MAP3K7: variants seen among roughly 807,000 people sequenced by gnomAD.
MAP3K7 encodes mitogen-activated protein kinase kinase kinase 7.
Under a neutral mutation model 84.8 loss-of-function variants are expected in MAP3K7, and 21 were observed. The observed-to-expected ratio is 0.25, with a 90% CI of 0.18 to 0.36. The LOEUF is 0.36. MAP3K7 is among the 10% of genes least tolerant of loss of function. The pLI, the probability that MAP3K7 is intolerant of heterozygous loss-of-function variation, is 1.00. For missense variants in MAP3K7, 503 were observed against 747.7 expected (o/e 0.67, Z 3.82); for synonymous variants, 241 against 247.7 (o/e 0.97, Z 0.25).
chr6:90,563,718 C>T (rs1303402454), intron 3 of MAP3K7, among the ~76,000 whole-genome samples: 6 of 152,078 alleles, frequency 3.9e-5, no homozygotes, highest in African/African-American at 7.2e-5. Context: ...ATACAGAGAA[C>T]GCCACAAAGA....
rs559176341 is a variant in MAP3K7 at position 90,541,671 on chromosome 6, T to C, written c.1291+2881A>G. Among the ~76,000 whole-genome samples, 3 of 152,150 alleles carry C rather than the reference T, an allele frequency of 2.0e-5. No homozygotes were observed. In the East Asian group the frequency reaches 5.8e-4, roughly 29 times the overall value. On this transcript the variant is annotated intron_variant, in intron 12 of 16. Transcript: ENST00000369329. Reference sequence around the variant, plus strand: ...GTATTAAAGGTTAATTTCTGTATGATCTGAGAGACTACTAAATTGATAAAT... The same window carrying C: ...GTATTAAAGGTTAATTTCTGTATGACCTGAGAGACTACTAAATTGATAAAT...
At chr6:90,526,827 A>AT (rs1251860317) in intron 13 of MAP3K7, among the ~76,000 whole-genome samples, 18 of 152,178 alleles carry the variant, frequency 1.2e-4, no homozygotes, top group Admixed American at 1.0e-3. Flanking sequence ...CAAGATAAGG[A>AT]TTTTTCCAAT....
chr6:90,551,859 T>C (rs1207871751), intron 8 of MAP3K7, 190 bp downstream of exon 8: 1 of 475,642 alleles, frequency 2.1e-6, no homozygotes. Flanking sequence ...TTTCCAGTGA[T>C]AAAGAACTAG....
At chr6:90,576,462 CACACACACAG>C (rs1777084379) in intron 1 of MAP3K7, among the ~76,000 whole-genome samples, 1 of 145,102 alleles carries the variant, frequency 6.9e-6, no homozygotes, top group Non-Finnish European at 1.5e-5. Flanking sequence ...CACACACACA[CACACACACAG>C]AAGAAACAAC....
chr6:90,574,769 T>C (rs1777017603), intron 1 of MAP3K7, among the ~76,000 whole-genome samples: 1 of 152,196 alleles, frequency 6.6e-6, no homozygotes, highest in Non-Finnish European at 1.5e-5. Flanking sequence ...GTAGAGCTGA[T>C]TCTGAGCTTT....
At chr6:90,584,107 T>G (rs900913142) in intron 1 of MAP3K7, among the ~76,000 whole-genome samples, 4 of 152,318 alleles carry the variant, frequency 2.6e-5, no homozygotes, top group African/African-American at 7.2e-5. Context: ...CATTGAGAAA[T>G]ACATGATTTT....
chr6:90,521,807 A>G (rs1347446613), intron 14 of MAP3K7, among the ~76,000 whole-genome samples: 1 of 152,080 alleles, frequency 6.6e-6, no homozygotes, highest in Non-Finnish European at 1.5e-5. Flanking sequence ...CCATTATATT[A>G]TAAATAGGAA....
chr6:90,546,454 A>T (rs1386556339), intron 11 of MAP3K7, among the ~76,000 whole-genome samples: 1 of 152,138 alleles, frequency 6.6e-6, no homozygotes, highest in Non-Finnish European at 1.5e-5. Context: ...TAATTATGTA[A>T]GTTTTTTTGG....
chr6:90,523,667 A>G lies in MAP3K7; in HGVS notation c.1462+11T>C. The G allele has an allele frequency of 6.3e-7, 1 of 1,583,496 alleles. No individual in the cohort carries two copies. Among genetic ancestry groups the G allele is most frequent in the East Asian group, 2.2e-5 (1 of 44,700 alleles). On this transcript the variant is annotated intron_variant, in intron 14 of 16. Coordinates refer to ENST00000369329, the MANE Select transcript of MAP3K7 (RefSeq NM_145331.3). ...TTCAACTTCATAAGTATGAAGAAACAGACTGGTCACCTGTGGAATCATCAG... is the reference window on the plus strand; with the variant it reads ...TTCAACTTCATAAGTATGAAGAAACGGACTGGTCACCTGTGGAATCATCAG...
intron 1 of MAP3K7, among the ~76,000 whole-genome samples, chr6:90,574,580 T>A (rs1028125593): frequency 6.6e-6 from 1 of 152,242 alleles, no homozygotes; most frequent in African/African-American, 2.4e-5. Context: ...TCTTCAACCA[T>A]GTATTTATAA....
intron 1 of MAP3K7, among the ~76,000 whole-genome samples, chr6:90,584,896 T>A (rs754812441): frequency 6.6e-6 from 1 of 152,118 alleles, no homozygotes; most frequent in Admixed American, 6.5e-5. Flanking sequence ...GAAAGCTGCA[T>A]CAACTATCCA....
At chr6:90,523,894 T>C (rs1582162177) in intron 13 of MAP3K7, 111 bp from the exon 14 acceptor site, 2 of 630,656 alleles carry the variant, frequency 3.2e-6, no homozygotes, top group African/African-American at 3.7e-5. Flanking sequence ...CCCAAAACTC[T>C]TGTAAACAAC....
chr6:90,524,339 A>G (rs1210456997), intron 13 of MAP3K7, among the ~76,000 whole-genome samples: 4 of 152,236 alleles, frequency 2.6e-5, no homozygotes, highest in Non-Finnish European at 5.9e-5. Flanking sequence ...CTGTGAATCC[A>G]CAAAAAATTT....
intron 13 of MAP3K7, among the ~76,000 whole-genome samples, chr6:90,535,329 A>T (rs1775634031): frequency 6.6e-6 from 1 of 151,864 alleles, no homozygotes; most frequent in Non-Finnish European, 1.5e-5. Context: ...GACAAGTACT[A>T]ATACATATTA....
intron 3 of MAP3K7, among the ~76,000 whole-genome samples, chr6:90,562,818 C>T (rs982721411): frequency 6.6e-6 from 1 of 152,200 alleles, no homozygotes; most frequent in Non-Finnish European, 1.5e-5. Flanking sequence ...CTGGGAGACA[C>T]CTTCCAGTAG....
At chr6:90,561,749 C>T (rs1313565750) in intron 3 of MAP3K7, 82 bp from the exon 4 acceptor site, 2 of 931,436 alleles carry the variant, frequency 2.1e-6, no homozygotes, top group African/African-American at 1.7e-5. Context: ...ATTCACTCCC[C>T]TGATTTTATA....
intron 1 of MAP3K7, among the ~76,000 whole-genome samples, chr6:90,580,826 G>A (rs545630863): frequency 6.6e-6 from 1 of 152,154 alleles, no homozygotes; most frequent in African/African-American, 2.4e-5. Context: ...TAAAAGGGAG[G>A]TCAATTTGGA....
At position 90,547,299 on chromosome 6, in the gene MAP3K7, G is replaced by A; in HGVS notation, c.1169C>T (p.Ala390Val). 1 of 1,613,292 alleles carries A rather than the reference G, an allele frequency of 6.2e-7. No homozygotes were observed. Among genetic ancestry groups the A allele is most frequent in the East Asian group, 2.2e-5 (1 of 44,824 alleles). ...PPTSEGKRMS[A>V]DMSEIEARIA... ...CCTAGCTTCTATTTCAGACATGTCA[G>A]CACTCATCCTCTTGCCCTCAGAGGT... The change falls in exon 11 of 17, where the codon GCT (alanine) becomes GTT (valine). Residue 390 changes from alanine (A) to valine (V), a missense_variant. Ala to Val is a moderately conservative substitution (Grantham distance 64). Transcript: ENST00000369329.
chr6:90,583,099 T>C (rs923052303), intron 1 of MAP3K7, among the ~76,000 whole-genome samples: 1 of 152,084 alleles, frequency 6.6e-6, no homozygotes, highest in African/African-American at 2.4e-5. Flanking sequence ...GCCAGGGTGG[T>C]CTTGAACTCC....
Sources: gnomAD v4.1 joint callset for allele counts (sites outside exome capture counted in the v4.1 genomes callset) on GRCh38, gnomAD v4.1.1 for gene constraint, MANE v1.5 for transcripts, NCBI Gene and HGNC (gene_info 2026-07-23, HGNC 2026-07-21) for gene names.